RAD54B: variants seen among roughly 807,000 people sequenced by gnomAD.
RAD54B encodes RAD54 homolog B.
RAD54B carries 78 observed loss-of-function variants against 95.8 expected under a neutral mutation model. That is an observed-to-expected ratio of 0.81 (90% confidence interval 0.68 to 0.98). The LOEUF is 0.98. RAD54B is among the 50% of genes least tolerant of loss of function. The pLI, the probability that RAD54B is intolerant of heterozygous loss-of-function variation, is 0.00. For missense variants in RAD54B, 957 were observed against 1,056.6 expected (o/e 0.91, Z 1.31); for synonymous variants, 328 against 354.9 (o/e 0.92, Z 0.85).
intron 11 of RAD54B, among the ~76,000 whole-genome samples, 198 bp downstream of exon 11, chr8:94,386,786 C>T (rs1284912224): frequency 6.6e-6 from 1 of 152,096 alleles, no homozygotes. Context: ...TAAAAGTATA[C>T]ATATGTTTAG....
At chr8:94,473,310 C>T (rs1425804713) in intron 1 of RAD54B, among the ~76,000 whole-genome samples, 1 of 152,170 alleles carries the variant, frequency 6.6e-6, no homozygotes, top group African/African-American at 2.4e-5. Flanking sequence ...CTGTAATACA[C>T]CAGATAGCCA....
At chr8:94,378,921 G>A (rs1172384318) in intron 12 of RAD54B, among the ~76,000 whole-genome samples, 1 of 152,286 alleles carries the variant, frequency 6.6e-6, no homozygotes, top group African/African-American at 2.4e-5. Context: ...TGGACAGCAA[G>A]AATGGAAAGA....
chr8:94,382,030 C>A (rs896176403), intron 11 of RAD54B, among the ~76,000 whole-genome samples: 1 of 150,024 alleles, frequency 6.7e-6, no homozygotes, highest in Non-Finnish European at 1.5e-5. Context: ...AGGAGAATGG[C>A]GTGAACCTGG....
In RAD54B at chr8:94,430,363, C is replaced by T. The variant is rs998463221; in HGVS notation, c.305-19048G>A. ...TAATTCATAATCTGGTATCAACCAT[C>T]ATCCAAATTTATATCCCTCAGTTCA... On this transcript the variant is annotated intron_variant, in intron 3 of 14. Coordinates refer to ENST00000336148, the MANE Select transcript of RAD54B (RefSeq NM_012415.3). 1.0e-5 allele frequency: 10 copies of T among 982,872 alleles called. No individual in the cohort carries two copies. In the African/African-American group the frequency reaches 1.6e-4, roughly 16 times the overall value. The allele number at this position is 982,872 out of a possible 1,614,324, so 60.9% of individuals were successfully genotyped here.
chr8:94,403,034 A>G (rs1811299003), intron 6 of RAD54B, among the ~76,000 whole-genome samples: 1 of 152,204 alleles, frequency 6.6e-6, no homozygotes, highest in African/African-American at 2.4e-5. Flanking sequence ...CAGATTTGGG[A>G]GGAAATATGA....
intron 2 of RAD54B, 78 bp downstream of exon 2, chr8:94,467,327 T>C: frequency 7.9e-7 from 1 of 1,270,946 alleles, no homozygotes; most frequent in Non-Finnish European, 1.1e-6. Flanking sequence ...GAAAATACTG[T>C]TAACTCTTTA....
chr8:94,422,506 GA>G (rs1811827632), intron 3 of RAD54B, among the ~76,000 whole-genome samples: 3 of 141,194 alleles, frequency 2.1e-5, no homozygotes, highest in Middle Eastern at 8.3e-3. Context: ...AGAATCGCTT[GA>G]ATCCGGGAGG....
chr8:94,463,893 C>CAAA (rs553168595), intron 2 of RAD54B, among the ~76,000 whole-genome samples: 23 of 90,906 alleles, frequency 2.5e-4, no homozygotes, highest in African/African-American at 6.3e-4. Flanking sequence ...GACCCTATCT[C>CAAA]AAAAAAAAAA....
chr8:94,389,334 C>T (rs1305844004), intron 10 of RAD54B, among the ~76,000 whole-genome samples: 1 of 152,212 alleles, frequency 6.6e-6, no homozygotes, highest in Non-Finnish European at 1.5e-5. Context: ...TAAAAATGCT[C>T]ATGCCTGGGT....
chr8:94,394,544 T>C (rs1056824296), intron 8 of RAD54B, among the ~76,000 whole-genome samples: 7 of 152,178 alleles, frequency 4.6e-5, no homozygotes, highest in African/African-American at 1.7e-4. Flanking sequence ...CACCTATTAT[T>C]ACTACCTTTC....
At chr8:94,468,508 G>A (rs1165494547) in intron 1 of RAD54B, among the ~76,000 whole-genome samples, 6 of 148,900 alleles carry the variant, frequency 4.0e-5, no homozygotes, top group South Asian at 2.2e-4. Flanking sequence ...TAGGAGCTTC[G>A]TCTCTATTAA....
At chr8:94,374,417 G>C (rs2129937260) in intron 14 of RAD54B, among the ~76,000 whole-genome samples, 1 of 152,136 alleles carries the variant, frequency 6.6e-6, no homozygotes, top group African/African-American at 2.4e-5. Flanking sequence ...AAAATGAAAA[G>C]ACAGTAGAAA....
intron 3 of RAD54B, among the ~76,000 whole-genome samples, chr8:94,437,788 T>C (rs1438533731): frequency 1.3e-5 from 2 of 152,226 alleles, no homozygotes; most frequent in African/African-American, 4.8e-5. Flanking sequence ...TTAGCTATAT[T>C]CACACAGTTT....
intron 8 of RAD54B, among the ~76,000 whole-genome samples, chr8:94,396,530 C>A (rs1451478468): frequency 6.6e-6 from 1 of 152,008 alleles, no homozygotes; most frequent in African/African-American, 2.4e-5. Flanking sequence ...TTTTTATACA[C>A]ATTTATATTT....
intron 1 of RAD54B, among the ~76,000 whole-genome samples, chr8:94,469,864 T>C (rs991471388): frequency 4.6e-5 from 7 of 152,232 alleles, no homozygotes; most frequent in Non-Finnish European, 8.8e-5. Context: ...ACAGTGGAAT[T>C]TTTTAAAATA....
At chr8:94,442,983 C>G (rs943927462) in intron 3 of RAD54B, among the ~76,000 whole-genome samples, 4 of 152,284 alleles carry the variant, frequency 2.6e-5, no homozygotes, top group Admixed American at 1.3e-4. Context: ...AGTCACTAAA[C>G]CTTTCAGGAT....
At chr8:94,422,867 T>C (rs1811858118) in intron 3 of RAD54B, among the ~76,000 whole-genome samples, 1 of 149,834 alleles carries the variant, frequency 6.7e-6, no homozygotes, top group Non-Finnish European at 1.5e-5. Flanking sequence ...TGTTCCACTA[T>C]CCTATGTTGC....
intron 9 of RAD54B, among the ~76,000 whole-genome samples, chr8:94,392,184 C>T (rs933751185): frequency 2.6e-5 from 4 of 152,160 alleles, no homozygotes; most frequent in African/African-American, 9.7e-5. Flanking sequence ...GTATACAACA[C>T]GTAGACCATA....
intron 3 of RAD54B, among the ~76,000 whole-genome samples, chr8:94,442,821 A>G (rs937954224): frequency 3.9e-5 from 6 of 152,178 alleles, no homozygotes; most frequent in African/African-American, 1.4e-4. Flanking sequence ...AAAATTAGTC[A>G]TGCAACACTG....
Sources: gnomAD v4.1 joint callset for allele counts (sites outside exome capture counted in the v4.1 genomes callset) on GRCh38, gnomAD v4.1.1 for gene constraint, MANE v1.5 for transcripts, NCBI Gene and HGNC (gene_info 2026-07-23, HGNC 2026-07-21) for gene names.